The following CNOT10 variants were observed in gnomAD, a reference collection of about 807,000 sequenced individuals.
The protein encoded by CNOT10 is CCR4-NOT transcription complex, subunit 10.
Under a neutral mutation model 94.6 loss-of-function variants are expected in CNOT10, and 30 were observed. The ratio of observed to expected loss-of-function variants is 0.32; its 90% confidence interval spans 0.24 to 0.43. The LOEUF is 0.43. CNOT10 is among the 20% of genes least tolerant of loss of function. The pLI is 1.00. For synonymous variants in CNOT10, 289 were observed against 301.6 expected, an observed-to-expected ratio of 0.96 and a Z score of 0.43; for missense variants, 759 against 877.2, an observed-to-expected ratio of 0.87 and a Z score of 1.70.
chr3:32,691,534 T>C (rs183607574), intron 1 of CNOT10, among the ~76,000 whole-genome samples: 55 of 152,246 alleles, frequency 3.6e-4, no homozygotes, highest in Middle Eastern at 3.4e-3. Context: ...CTTGAACTCC[T>C]GAGCTTAAGT....
chr3:32,723,965 A>G (rs960053840), intron 8 of CNOT10, among the ~76,000 whole-genome samples: 2 of 152,112 alleles, frequency 1.3e-5, no homozygotes, highest in Non-Finnish European at 2.9e-5. Flanking sequence ...CTGTAGTCCC[A>G]GCTACTCAGG....
intron 1 of CNOT10, among the ~76,000 whole-genome samples, chr3:32,696,161 C>G (rs565954543): frequency 5.7e-4 from 86 of 152,012 alleles, no homozygotes; most frequent in African/African-American, 1.5e-3. Context: ...ACTAAAAATA[C>G]AAAAATTAGC....
At chr3:32,755,769 T>TC (rs1700202054) in intron 13 of CNOT10, among the ~76,000 whole-genome samples, 1 of 151,820 alleles carries the variant, frequency 6.6e-6, no homozygotes, top group Non-Finnish European at 1.5e-5. Flanking sequence ...TTTTTTTTTT[T>TC]TTCTTCTTTT....
At chr3:32,713,183 A>G in intron 4 of CNOT10, 44 bp from the exon 5 acceptor site, 2 of 1,509,356 alleles carry the variant, frequency 1.3e-6, no homozygotes, top group Non-Finnish European at 1.8e-6. Context: ...TGTGTGCTTT[A>G]CTTTAGGTTG....
At position 32,737,420 on chromosome 3, in the gene CNOT10, C is replaced by T; in HGVS notation, c.1525C>T (p.His509Tyr). 3 of 1,606,460 alleles carry T rather than the reference C, an allele frequency of 1.9e-6. No homozygotes were observed. Among genetic ancestry groups the T allele is most frequent in the Non-Finnish European group, 2.6e-6 (3 of 1,173,698 alleles). ...TTACCTCTATTTTAGCAGTAAAAGC[C>T]ATGATGGAGATAAATTCATTCCAGC... ...ESSETCSSKS[H>Y]DGDKFIPAPP... The change falls in exon 13 of 19, where the codon CAT becomes TAT. Residue 509 changes from histidine (H) to tyrosine (Y), a missense_variant. Transcript: ENST00000328834.
chr3:32,733,362 ATT>A, intron 10 of CNOT10, 59 bp from the exon 11 acceptor site: 1 of 1,326,534 alleles, frequency 7.5e-7, no homozygotes, highest in Non-Finnish European at 1.0e-6. Flanking sequence ...ATATTCCCTC[ATT>A]TTTTATACCA....
Position 32,725,602 on chromosome 3 carries a change from A to G in CNOT10, c.1012+3A>G. ...CAGTGCAGGTAGCACTGATCCAGGTAAGCCCAGTACTGGGGGACAGTTTGT... is the reference window on the plus strand; with the variant it reads ...CAGTGCAGGTAGCACTGATCCAGGTGAGCCCAGTACTGGGGGACAGTTTGT... On this transcript the variant is annotated splice_donor_region_variant and intron_variant, in intron 9 of 18. Coordinates refer to ENST00000328834, the MANE Select transcript of CNOT10 (RefSeq NM_015442.3). The G allele has an allele frequency of 6.2e-7, 1 of 1,608,214 alleles. No homozygotes were observed. Among genetic ancestry groups the G allele is most frequent in the African/African-American group, 1.3e-5 (1 of 74,846 alleles).
Position 32,773,722 on chromosome 3 carries a change from T to G in CNOT10, c.*111T>G, listed in dbSNP as rs1289055765. On this transcript the variant is annotated 3_prime_UTR_variant, in exon 19 of 19. Coordinates refer to ENST00000328834, the MANE Select transcript of CNOT10 (RefSeq NM_015442.3). ...GATGGTGAAGGCTGTTAATTTTGAG[T>G]CAATTCTACCCCTGACATTTGGCCA... 11 of 1,168,502 alleles carry G rather than the reference T, an allele frequency of 9.4e-6. No homozygotes were observed. The highest frequency in any genetic ancestry group is 9.4e-6 in the Non-Finnish European group (8 of 854,574). 72.4% of individuals were successfully genotyped at this position (1,168,502 alleles called of 1,614,324 possible). A position where few individuals can be genotyped will look rare whatever the true frequency, so the allele number is the denominator to read the frequency against.
In CNOT10 at chr3:32,762,762, C is replaced by G; in HGVS notation, c.1739C>G (p.Ala580Gly). 1 of 1,589,940 alleles carries G rather than the reference C, an allele frequency of 6.3e-7. No individual in the cohort carries two copies. Among genetic ancestry groups the G allele is most frequent in the Non-Finnish European group, 8.5e-7 (1 of 1,174,002 alleles). The change falls in exon 15 of 19, where the codon GCC becomes GGC. Residue 580 changes from alanine to glycine, a missense_variant. Physicochemically the swap from Ala to Gly is moderately conservative, Grantham distance 60 (BLOSUM62 0). Transcript: ENST00000328834. Reference sequence around the variant, plus strand: ...TTGGGACATTTATATGCTGCAGAAGCCCTCATCTCTCTCGACAGAATATCT... The same window carrying G: ...TTGGGACATTTATATGCTGCAGAAGGCCTCATCTCTCTCGACAGAATATCT... ...KFLGHLYAAE[A>G]LISLDRISDA...
intron 1 of CNOT10, among the ~76,000 whole-genome samples, chr3:32,692,127 C>T (rs779392714): frequency 1.3e-5 from 2 of 151,752 alleles, no homozygotes; most frequent in Non-Finnish European, 2.9e-5. Context: ...TTTGGGAGGC[C>T]GAGGTGGGTG....
Position 32,685,261 on chromosome 3 carries a change from T to C in CNOT10, c.-200T>C. ...TGTGGCGGTCCCTTGGTGGGGAAGC[T>C]GTTGCTGTTGCTAGACGACGGGAAC... On this transcript the variant is annotated 5_prime_UTR_variant, in exon 1 of 19. Coordinates refer to ENST00000328834, the MANE Select transcript of CNOT10 (RefSeq NM_015442.3). 3.6e-6 allele frequency: 2 copies of C among 562,434 alleles called. No individual in the cohort carries two copies. Among genetic ancestry groups the C allele is most frequent in the Admixed American group, 6.3e-5 (2 of 31,900 alleles). 34.8% of individuals were successfully genotyped at this position (562,434 alleles called of 1,614,324 possible).
At chr3:32,687,463 T>TTTTTTTTTTTTTTTTG (rs1696671221) in intron 1 of CNOT10, among the ~76,000 whole-genome samples, 1 of 116,440 alleles carries the variant, frequency 8.6e-6, no homozygotes, top group Non-Finnish European at 1.8e-5. Context: ...TTTTTTTTTT[T>TTTTTTTTTTTTTTTTG]TTTTTTGAGA....
At chr3:32,692,450 T>C (rs962541484) in intron 1 of CNOT10, among the ~76,000 whole-genome samples, 1 of 152,198 alleles carries the variant, frequency 6.6e-6, no homozygotes, top group Non-Finnish European at 1.5e-5. Flanking sequence ...TGATTAGATA[T>C]AGGTTCAACA....
intron 3 of CNOT10, among the ~76,000 whole-genome samples, chr3:32,708,451 T>C (rs1047533474): frequency 8.5e-5 from 13 of 152,288 alleles, no homozygotes; most frequent in Middle Eastern, 6.8e-3. Flanking sequence ...TAAAGTCTCA[T>C]GAAAACATTT....
intron 8 of CNOT10, among the ~76,000 whole-genome samples, chr3:32,723,651 C>T (rs1363302442): frequency 6.6e-6 from 1 of 152,116 alleles, no homozygotes; most frequent in African/African-American, 2.4e-5. Flanking sequence ...TGTAAACACA[C>T]ATACACATAC....
rs563068800 is a variant in CNOT10, at chr3:32,725,607, C to A, written c.1012+8C>A. On this transcript the variant is annotated splice_region_variant and intron_variant, in intron 9 of 18. Transcript: ENST00000328834. ...CAGGTAGCACTGATCCAGGTAAGCC[C>A]AGTACTGGGGGACAGTTTGTATTTA... The A allele has an allele frequency of 1.6e-5, 25 of 1,601,512 alleles. No homozygotes were observed. The African/African-American group carries it at 3.2e-4, about 21-fold the overall frequency.
intron 3 of CNOT10, 90 bp downstream of exon 3, chr3:32,705,062 G>C: frequency 2.3e-6 from 2 of 877,444 alleles, no homozygotes; most frequent in South Asian, 2.3e-5. Flanking sequence ...AATGTGATTT[G>C]TCTGGTATTT....
At chr3:32,710,695 T>C (rs1697845726) in intron 4 of CNOT10, among the ~76,000 whole-genome samples, 1 of 152,220 alleles carries the variant, frequency 6.6e-6, no homozygotes, top group South Asian at 2.1e-4. Context: ...AGTGTCAAAC[T>C]TGGAATCATA....
At chr3:32,692,953 G>A (rs1214844280) in intron 1 of CNOT10, among the ~76,000 whole-genome samples, 1 of 152,094 alleles carries the variant, frequency 6.6e-6, no homozygotes, top group East Asian at 1.9e-4. Flanking sequence ...GCTGAGGTAG[G>A]AGGTCACTGG....
Sources: gnomAD v4.1 joint callset for allele counts (sites outside exome capture counted in the v4.1 genomes callset) on GRCh38, gnomAD v4.1.1 for gene constraint, MANE v1.5 for transcripts, NCBI Gene and HGNC (gene_info 2026-07-23, HGNC 2026-07-21) for gene names.